The following STARD8 variants were observed in gnomAD, a reference collection of about 807,000 sequenced individuals.
The protein encoded by STARD8 is StAR related lipid transfer domain containing 8.
Under a neutral mutation model 69.4 loss-of-function variants are expected in STARD8, and 25 were observed. The observed-to-expected ratio is 0.36, with a 90% CI of 0.26 to 0.50. The LOEUF is 0.50. STARD8 is among the 20% of genes least tolerant of loss of function. The pLI, the probability that STARD8 is intolerant of heterozygous loss-of-function variation, is 0.96. For missense variants in STARD8, 921 were observed against 932.5 expected (o/e 0.99, Z 0.16); for synonymous variants, 389 against 374.6 (o/e 1.04, Z -0.45).
intron 2 of STARD8, among the ~76,000 whole-genome samples, chrX:68,684,803 CT>C (rs2147895729): frequency 8.9e-6 from 1 of 112,693 alleles, no homozygotes; most frequent in African/African-American, 3.2e-5. Flanking sequence ...TAGAAATGGC[CT>C]AGTGGAAGGA....
At chrX:68,710,207 G>C (rs1410814032) in intron 2 of STARD8, among the ~76,000 whole-genome samples, 2 of 112,384 alleles carry the variant, frequency 1.8e-5, no homozygotes, top group Non-Finnish European at 1.9e-5. Context: ...GGCCTCAGTA[G>C]GCCTTATACT....
At position 68,719,364 on chromosome X, in the gene STARD8, A is replaced by G; in HGVS notation, c.1855A>G (p.Lys619Glu). The G allele has an allele frequency of 8.4e-7, 1 of 1,196,364 alleles. No individual in the cohort carries two copies. Among genetic ancestry groups the G allele is most frequent in the Non-Finnish European group, 1.1e-6 (1 of 887,234 alleles). The change falls in exon 7 of 15, where the codon AAG (lysine) becomes GAG (glutamate). Residue 619 changes from lysine to glutamate, a missense_variant. Coordinates refer to ENST00000374599, the MANE Select transcript of STARD8 (RefSeq NM_001142503.3). The stretch of plus-strand genomic sequence containing the variant: ...GCTGCGGCTTACCGCGTTCATGGAG[A>G]AGTACACTGTGCCCCACAAGCAGGG... ...SLLRLTAFME[K>E]YTVPHKQGWV...
At chrX:68,693,654 G>A in intron 2 of STARD8, 2 of 754,893 alleles carry the variant, frequency 2.6e-6, no homozygotes, top group Non-Finnish European at 1.6e-6. Flanking sequence ...GAGTGGACTC[G>A]GGTTGACAAC....
intron 1 of STARD8, among the ~76,000 whole-genome samples, chrX:68,653,507 T>C (rs1209776099): frequency 0.057 from 396 of 7,007 alleles, no homozygotes; most frequent in Non-Finnish European, 0.064. Flanking sequence ...ACACACACCA[T>C]ACACACCACA....
chrX:68,686,455 G>C (rs780752809), intron 2 of STARD8, among the ~76,000 whole-genome samples: 284 of 112,656 alleles, frequency 2.5e-3, no homozygotes, highest in Non-Finnish European at 3.4e-3. Flanking sequence ...GCCCAGGCGC[G>C]GGGCTGGGGT....
intron 2 of STARD8, among the ~76,000 whole-genome samples, chrX:68,671,679 G>A (rs1223132041): frequency 8.9e-6 from 1 of 112,460 alleles, no homozygotes; most frequent in African/African-American, 3.2e-5. Context: ...TCTTGAGACA[G>A]GGCCTTAAGG....
intron 2 of STARD8, among the ~76,000 whole-genome samples, chrX:68,709,532 G>T (rs981466375): frequency 5.4e-5 from 6 of 111,971 alleles, no homozygotes; most frequent in Non-Finnish European, 1.1e-4. Flanking sequence ...TGCTGGCTGG[G>T]TGTGGTGGCT....
chrX:68,651,970 C>T (rs1332428674), intron 1 of STARD8, among the ~76,000 whole-genome samples: 3 of 107,568 alleles, frequency 2.8e-5, no homozygotes, highest in African/African-American at 1.0e-4. Flanking sequence ...GCCTCAGCCT[C>T]CCGAGTAGCT....
intron 2 of STARD8, among the ~76,000 whole-genome samples, chrX:68,667,743 G>A (rs1229765187): frequency 9.0e-6 from 1 of 111,038 alleles, no homozygotes; most frequent in East Asian, 2.9e-4. Context: ...CTGCAGAAAG[G>A]GTCATGGAGC....
chrX:68,681,502 G>A (rs767045650), intron 2 of STARD8, among the ~76,000 whole-genome samples: 20 of 112,853 alleles, frequency 1.8e-4, no homozygotes, highest in Non-Finnish European at 3.2e-4. Context: ...TTTCTGCCAA[G>A]TGCATGTGGC....
rs770643958 is a variant in STARD8 at position 68,721,606 on chromosome X, G to A, written c.2319G>A (p.Glu773=). The A allele has an allele frequency of 3.3e-6, 4 of 1,210,591 alleles. No homozygotes were observed. In the African/African-American group the frequency reaches 7.0e-5, roughly 21 times the overall value. ...ATLLLPDENR[E]VLQTLLYFLS... is the part of the protein sequence containing the mutation. ...TGCTGCTCCCCGATGAGAACCGAGA[G>A]GTGCTACAGACCCTGCTCTACTTCT... The change falls in exon 10 of 15, where the codon GAG becomes GAA. Residue 773 remains glutamate, a synonymous_variant. Coordinates refer to ENST00000374599, the MANE Select transcript of STARD8 (RefSeq NM_001142503.3).
intron 1 of STARD8, among the ~76,000 whole-genome samples, chrX:68,652,979 CCA>C (rs1194184851): frequency 8.2e-5 from 5 of 61,171 alleles, no homozygotes; most frequent in Admixed American, 1.8e-4. Context: ...ACACCACACA[CCA>C]CACACACACC....
intron 2 of STARD8, among the ~76,000 whole-genome samples, chrX:68,691,092 C>G (rs1179381773): frequency 9.0e-6 from 1 of 111,290 alleles, no homozygotes; most frequent in Non-Finnish European, 1.9e-5. Context: ...GAGGAAAGCC[C>G]CATGCCTCGG....
chrX:68,668,123 T>G (rs868454497), intron 2 of STARD8, among the ~76,000 whole-genome samples: 2 of 93,744 alleles, frequency 2.1e-5, no homozygotes, highest in Admixed American at 1.1e-4. Flanking sequence ...CTGTCTTTCT[T>G]TCTTTCTTTC....
At chrX:68,697,755 A>C (rs1445013657) in intron 2 of STARD8, among the ~76,000 whole-genome samples, 1 of 112,185 alleles carries the variant, frequency 8.9e-6, no homozygotes, top group African/African-American at 3.2e-5. Context: ...GACTTCCTCC[A>C]TATCCGGGCC....
chrX:68,654,545 A>G (rs767922715), intron 1 of STARD8, among the ~76,000 whole-genome samples: 4 of 111,609 alleles, frequency 3.6e-5, no homozygotes, highest in South Asian at 7.6e-4. Context: ...GGTCATGCAC[A>G]TGAGTGTGTA....
At chrX:68,723,034 C>T (rs369628158) in intron 12 of STARD8, among the ~76,000 whole-genome samples, 1 of 112,496 alleles carries the variant, frequency 8.9e-6, no homozygotes, top group African/African-American at 3.2e-5. Flanking sequence ...TCACCTTTAG[C>T]GACAACGGAA....
Position 68,719,382 on chromosome X carries a change from A to G in STARD8, c.1873A>G (p.Lys625Glu), listed in dbSNP as rs757144074. 5.1e-5 allele frequency: 60 copies of G among 1,183,115 alleles called. No individual in the cohort carries two copies. The highest frequency in any genetic ancestry group is 6.2e-5 in the Non-Finnish European group (55 of 880,774). The change falls in exon 7 of 15, where the codon AAG becomes GAG. Residue 625 changes from lysine (K) to glutamate (E), a missense_variant. Transcript: ENST00000374599. ...AFMEKYTVPH[K>E]QGWVWSMPKF... The stretch of plus-strand genomic sequence containing the variant: ...CATGGAGAAGTACACTGTGCCCCAC[A>G]AGCAGGGCTGGGTCTGGTGAGTGGC...
At chrX:68,655,515 C>T (rs765234011) in intron 1 of STARD8, among the ~76,000 whole-genome samples, 2 of 111,794 alleles carry the variant, frequency 1.8e-5, no homozygotes, top group South Asian at 3.7e-4. Flanking sequence ...AAATTCAGAC[C>T]GTGGATTGTC....
Sources: allele counts gnomAD v4.1 joint callset (sites outside exome capture counted in the v4.1 genomes callset), GRCh38; gene constraint gnomAD v4.1.1; transcripts MANE v1.5; gene names NCBI Gene and HGNC (gene_info 2026-07-23, HGNC 2026-07-21).